KCNJ16: variants seen among roughly 807,000 people sequenced by gnomAD.
KCNJ16 encodes potassium inwardly rectifying channel subfamily J member 16, also known as inward rectifier potassium channel 16.
KCNJ16 carries 15 observed loss-of-function variants against 18.5 expected under a neutral mutation model. The observed-to-expected ratio is 0.81, with a 90% CI of 0.54 to 1.25. KCNJ16 has a LOEUF of 1.25. KCNJ16 is among the 50% of genes most tolerant of loss of function. The pLI is 0.00. For synonymous variants in KCNJ16, 174 were observed against 186.5 expected (o/e 0.93, Z 0.55); for missense variants, 523 against 525.7 (o/e 0.99, Z 0.05).
intron 2 of KCNJ16, chr17:70,128,678 C>T (rs1410566759): frequency 6.6e-6 from 1 of 152,198 alleles, no homozygotes; most frequent in African/African-American, 2.4e-5. Context: ...TCATATTCTA[C>T]AGCTTTGTAA....
chr17:70,107,700 T>C (rs777807943), intron 2 of KCNJ16, among the ~76,000 whole-genome samples: 1 of 152,110 alleles, frequency 6.6e-6, no homozygotes, highest in Non-Finnish European at 1.5e-5. Flanking sequence ...AAAAAAAAAT[T>C]AGAAGACTCA....
intron 3 of KCNJ16, chr17:70,131,356 A>G: frequency 9.5e-7 from 1 of 1,055,688 alleles, no homozygotes; most frequent in Non-Finnish European, 1.1e-6. Flanking sequence ...TTTCAAGACT[A>G]AAGGTGGAGT....
At chr17:70,103,302 A>G (rs369505426) in intron 2 of KCNJ16, among the ~76,000 whole-genome samples, 459 of 18,538 alleles carry the variant, frequency 0.025, 3 homozygotes, top group African/African-American at 0.051. Flanking sequence ...GTGTGTATAT[A>G]TATATATATA....
At chr17:70,127,383 G>A (rs1435048273) in intron 2 of KCNJ16, among the ~76,000 whole-genome samples, 6 of 151,640 alleles carry the variant, frequency 4.0e-5, no homozygotes, top group Non-Finnish European at 8.8e-5. Context: ...CCACCTAAGC[G>A]GGTCTGAATG....
chr17:70,086,301 C>T (rs958659018), intron 1 of KCNJ16, among the ~76,000 whole-genome samples: 1 of 151,986 alleles, frequency 6.6e-6, no homozygotes, highest in East Asian at 1.9e-4. Context: ...ATTTTGTTTG[C>T]CATTTATTGC....
chr17:70,113,408 C>G (rs368505310), intron 2 of KCNJ16, among the ~76,000 whole-genome samples: 1 of 152,166 alleles, frequency 6.6e-6, no homozygotes, highest in South Asian at 2.1e-4. Flanking sequence ...TGATACTGCT[C>G]ATAATTCTTA....
At chr17:70,099,700 T>C (rs1282549297) in intron 1 of KCNJ16, among the ~76,000 whole-genome samples, 1 of 152,008 alleles carries the variant, frequency 6.6e-6, no homozygotes, top group Non-Finnish European at 1.5e-5. Context: ...CCTCAGAGGG[T>C]CTTTGCCTGG....
At chr17:70,110,551 A>T (rs1052251701) in intron 2 of KCNJ16, among the ~76,000 whole-genome samples, 1 of 152,054 alleles carries the variant, frequency 6.6e-6, no homozygotes, top group East Asian at 1.9e-4. Context: ...GTTCTTCAGT[A>T]AGAGTCCAGC....
At chr17:70,101,216 G>A (rs2072604045) in intron 2 of KCNJ16, 1 of 152,134 alleles carries the variant, frequency 6.6e-6, no homozygotes, top group Non-Finnish European at 1.5e-5. Context: ...CTAGTGGGAA[G>A]AGTTTAGGGA....
chr17:70,086,751 G>T (rs1288602252), intron 1 of KCNJ16, among the ~76,000 whole-genome samples: 2 of 152,134 alleles, frequency 1.3e-5, no homozygotes, highest in Non-Finnish European at 2.9e-5. Context: ...TTAAACTAAA[G>T]ATCAGATCAT....
At chr17:70,114,770 C>T (rs762266866) in intron 2 of KCNJ16, among the ~76,000 whole-genome samples, 13 of 151,896 alleles carry the variant, frequency 8.6e-5, no homozygotes, top group African/African-American at 2.2e-4. Flanking sequence ...TAATTAATGG[C>T]GGGGGAAAAA....
intron 2 of KCNJ16, among the ~76,000 whole-genome samples, chr17:70,121,847 C>T (rs78575916): frequency 0.01 from 1,577 of 152,150 alleles, 12 homozygotes; most frequent in Middle Eastern, 0.027. Flanking sequence ...CCTGTTGTCC[C>T]AGCTACGAGG....
At chr17:70,082,141 G>GA (rs1410604698) in intron 1 of KCNJ16, among the ~76,000 whole-genome samples, 1 of 152,140 alleles carries the variant, frequency 6.6e-6, no homozygotes, top group Non-Finnish European at 1.5e-5. Context: ...GACACTGACA[G>GA]AAAAAACAAC....
intron 2 of KCNJ16, among the ~76,000 whole-genome samples, chr17:70,119,423 G>C (rs937238982): frequency 6.6e-6 from 1 of 152,230 alleles, no homozygotes; most frequent in East Asian, 1.9e-4. Context: ...CCCTAGTAGA[G>C]GTTCTCTGTG....
chr17:70,079,838 G>A (rs929916244), intron 1 of KCNJ16, among the ~76,000 whole-genome samples: 2 of 152,134 alleles, frequency 1.3e-5, no homozygotes, highest in Non-Finnish European at 2.9e-5. Context: ...AAGTAGCTGG[G>A]ATTACAGGCA....
chr17:70,095,882 T>C (rs1252943552), intron 1 of KCNJ16, among the ~76,000 whole-genome samples: 14 of 126,822 alleles, frequency 1.1e-4, no homozygotes, highest in African/African-American at 2.4e-4. Flanking sequence ...TTTTTTTTTT[T>C]TTTTTTTTTT....
intron 2 of KCNJ16, among the ~76,000 whole-genome samples, chr17:70,120,361 C>T (rs1224647408): frequency 3.3e-5 from 5 of 152,212 alleles, no homozygotes; most frequent in African/African-American, 1.2e-4. Flanking sequence ...CATTCAGTTT[C>T]AAAGCCACTT....
chr17:70,100,473 C>T (rs183044038), intron 1 of KCNJ16, among the ~76,000 whole-genome samples, 185 bp from the exon 2 acceptor site: 27 of 152,266 alleles, frequency 1.8e-4, no homozygotes, highest in Middle Eastern at 3.4e-3. Context: ...TGTCTTTTCA[C>T]CACCCGAAAA....
At chr17:70,120,560 A>C (rs2073593070) in intron 2 of KCNJ16, among the ~76,000 whole-genome samples, 4 of 152,198 alleles carry the variant, frequency 2.6e-5, no homozygotes. Context: ...GTTGCCTCAG[A>C]AAGTTTACAA....
Sources: gnomAD v4.1 joint callset for allele counts (sites outside exome capture counted in the v4.1 genomes callset) on GRCh38, gnomAD v4.1.1 for gene constraint, MANE v1.5 for transcripts, NCBI Gene and HGNC (gene_info 2026-07-23, HGNC 2026-07-21) for gene names.